DDX47: variants seen among roughly 807,000 people sequenced by gnomAD.
The protein encoded by DDX47 is DEAD-box helicase 47, also known as probable ATP-dependent RNA helicase DDX47.
A neutral mutation model predicts 58.8 loss-of-function variants in DDX47; 60 were observed. The ratio of observed to expected loss-of-function variants is 1.02; its 90% confidence interval spans 0.83 to 1.26. DDX47 has a LOEUF of 1.26. Among genes scored for constraint, DDX47 ranks in the 50% most tolerant of loss-of-function variants. DDX47 has a pLI of 0.00. For missense variants in DDX47, 530 were observed against 573.2 expected (o/e 0.92, Z 0.77); for synonymous variants, 197 against 204.6 (o/e 0.96, Z 0.32).
chr12:12,818,865 C>G (rs955308009), intron 2 of DDX47, among the ~76,000 whole-genome samples: 6 of 152,158 alleles, frequency 3.9e-5, no homozygotes, highest in African/African-American at 1.4e-4. Flanking sequence ...GAGATTTATT[C>G]ACTACCATGA....
chr12:12,821,236 T>C lies in DDX47; in HGVS notation c.210T>C (p.Thr70=), dbSNP rs1208333670. 1.9e-6 allele frequency: 3 copies of C among 1,614,260 alleles called. No individual in the cohort carries two copies. The highest frequency in any genetic ancestry group is 1.7e-6 in the Non-Finnish European group (2 of 1,180,050). Residue 70 remains threonine (T), a synonymous_variant, in exon 3 of 12, where the codon ACT becomes ACC. Coordinates refer to ENST00000358007, the MANE Select transcript of DDX47 (RefSeq NM_016355.4). The part of the protein sequence containing the change: ...QGRDIIGLAE[T]GSGKTGAFAL... ...GTGATATCATTGGGCTTGCAGAAAC[T>C]GGCTCTGGAAAGACAGGCGCCTTTG...
chr12:12,824,078 C>A (rs1163955702), intron 8 of DDX47, 62 bp downstream of exon 8: 2 of 1,552,302 alleles, frequency 1.3e-6, no homozygotes, highest in African/African-American at 1.4e-5. Context: ...AACCTCCTAA[C>A]AGTAGGTTTG....
Position 12,825,984 on chromosome 12 carries a change from AC to A in DDX47, c.1036-13del. The A allele has an allele frequency of 1.3e-6, 2 of 1,599,396 alleles. No individual in the cohort carries two copies. Among genetic ancestry groups the A allele is most frequent in the Non-Finnish European group, 1.7e-6 (2 of 1,172,172 alleles). On this transcript the variant is annotated splice_polypyrimidine_tract_variant and intron_variant, in intron 9 of 11. Transcript: ENST00000358007. ...TAATCCATATAACTTGAATTTATTT[AC>A]CCTTTTTGTTTTAGGATTACATCCA...
chr12:12,818,162 A>G (rs115755205), intron 2 of DDX47, among the ~76,000 whole-genome samples: 1,653 of 152,312 alleles, frequency 0.011, 36 homozygotes, highest in African/African-American at 0.038. Flanking sequence ...CACTGGGAAC[A>G]TTAAAATAAG....
In DDX47 at chr12:12,823,260, A is replaced by G. The variant is rs370371389; in HGVS notation, c.691A>G (p.Lys231Glu). Residue 231 changes from lysine (K) to glutamate (E), a missense_variant, in exon 7 of 12, where the codon AAA becomes GAA. Physicochemically the swap from Lys to Glu is moderately conservative, Grantham distance 56. Coordinates refer to ENST00000358007, the MANE Select transcript of DDX47 (RefSeq NM_016355.4). ...KNPVKCAVSS[K>E]YQTVEKLQQY... ...TCCTGTGAAATGTGCCGTTTCCTCT[A>G]AATACCAGACAGTTGAAAAATTACA... The G allele has an allele frequency of 7.6e-5, 123 of 1,613,916 alleles. 3 individuals carry two copies. The South Asian group carries it at 1.1e-3, about 15-fold the overall frequency.
intron 2 of DDX47, chr12:12,814,745 G>C (rs148609342): frequency 6.5e-6 from 1 of 153,732 alleles, no homozygotes; most frequent in South Asian, 2.0e-4. Context: ...GCAGTGGTGC[G>C]GTCTTGGCTC....
Position 12,821,583 on chromosome 12 carries a change from G to T in DDX47, c.371-72G>T, listed in dbSNP as rs1448189519. ...AAATCTAAGTAGAAATCTGGCATTG[G>T]CTTTAAAAGATGTTCAGTGGACTGT... is the stretch of plus-strand genomic sequence containing the variant. On this transcript the variant is annotated intron_variant, in intron 3 of 11. Coordinates refer to ENST00000358007, the MANE Select transcript of DDX47 (RefSeq NM_016355.4). 4 of 1,501,952 alleles carry T rather than the reference G, an allele frequency of 2.7e-6. No individual in the cohort carries two copies. In the East Asian group the frequency reaches 9.0e-5, roughly 34 times the overall value. 93.0% of individuals were successfully genotyped at this position (1,501,952 alleles called of 1,614,324 possible).
intron 3 of DDX47, 125 bp from the exon 4 acceptor site, chr12:12,821,530 G>A: frequency 7.0e-7 from 1 of 1,424,074 alleles, no homozygotes; most frequent in Non-Finnish European, 9.8e-7. Context: ...TTGAGCTTTG[G>A]GAAGAGTATT....
intron 5 of DDX47, 124 bp from the exon 6 acceptor site, chr12:12,822,537 C>T (rs897103046): frequency 8.3e-6 from 6 of 723,478 alleles, no homozygotes; most frequent in Admixed American, 2.6e-5. Context: ...ATTGAATTTT[C>T]GAGTCCCAAA....
chr12:12,816,518 C>A (rs1862900192), intron 2 of DDX47, among the ~76,000 whole-genome samples: 1 of 152,008 alleles, frequency 6.6e-6, no homozygotes, highest in Non-Finnish European at 1.5e-5. Flanking sequence ...AAAAAAATAC[C>A]CAGTTGGAAT....
At chr12:12,817,598 A>G (rs140907732) in intron 2 of DDX47, among the ~76,000 whole-genome samples, 4 of 152,302 alleles carry the variant, frequency 2.6e-5, no homozygotes, top group South Asian at 2.1e-4. Flanking sequence ...AATTTCAAAC[A>G]ATTTATTAGT....
chr12:12,818,407 G>A (rs1565446243), intron 2 of DDX47, among the ~76,000 whole-genome samples: 1 of 152,138 alleles, frequency 6.6e-6, no homozygotes. Context: ...TGTAGTCCCA[G>A]CTACTCGGGA....
At chr12:12,824,807 T>G in intron 9 of DDX47, 130 bp downstream of exon 9, 1 of 965,172 alleles carries the variant, frequency 1.0e-6, no homozygotes. Flanking sequence ...AAGAAAGCCC[T>G]TGGTTAGTTC....
intron 2 of DDX47, among the ~76,000 whole-genome samples, chr12:12,817,319 C>G (rs1465545759): frequency 1.3e-5 from 2 of 152,112 alleles, no homozygotes; most frequent in East Asian, 3.9e-4. Context: ...CTAAGGTCAC[C>G]TAACTAATTA....
intron 10 of DDX47, 35 bp downstream of exon 10, chr12:12,826,105 A>C: frequency 6.4e-7 from 1 of 1,570,470 alleles, no homozygotes. Flanking sequence ...AGCAATGTAG[A>C]GAAAAGAGCA....
chr12:12,817,774 G>T (rs758744917), intron 2 of DDX47, among the ~76,000 whole-genome samples: 1 of 152,136 alleles, frequency 6.6e-6, no homozygotes, highest in Non-Finnish European at 1.5e-5. Flanking sequence ...AGGAGATGAC[G>T]TAGAAAAATA....
chr12:12,816,129 A>G (rs1457526851), intron 2 of DDX47, among the ~76,000 whole-genome samples: 2 of 152,122 alleles, frequency 1.3e-5, no homozygotes, highest in African/African-American at 4.8e-5. Flanking sequence ...CAAAAAAGGA[A>G]CGGGGGAAAA....
chr12:12,828,704 T>A (rs1863090186), intron 11 of DDX47, among the ~76,000 whole-genome samples: 1 of 152,126 alleles, frequency 6.6e-6, no homozygotes. Flanking sequence ...GGGAAAAAAA[T>A]TCAAAAAATA....
intron 10 of DDX47, among the ~76,000 whole-genome samples, chr12:12,826,491 G>A (rs1014650725): frequency 3.3e-5 from 5 of 151,326 alleles, no homozygotes; most frequent in African/African-American, 1.2e-4. Context: ...CGCCTAGGCT[G>A]GAGTGCAGTG....
Sources: gnomAD v4.1 joint callset for allele counts (sites outside exome capture counted in the v4.1 genomes callset) on GRCh38, gnomAD v4.1.1 for gene constraint, MANE v1.5 for transcripts, NCBI Gene and HGNC (gene_info 2026-07-23, HGNC 2026-07-21) for gene names.